Variants in NELL1 observed in about 807,000 individuals in gnomAD.
NELL1 encodes neural EGFL like 1.
Under a neutral mutation model 107.4 loss-of-function variants are expected in NELL1, and 76 were observed. That is an observed-to-expected ratio of 0.71 (90% CI 0.59 to 0.86). The LOEUF (loss-of-function observed/expected upper bound fraction) is 0.86. Ranked by LOEUF, NELL1 falls within the 40% of genes least tolerant of loss-of-function variation. NELL1 has a pLI of 0.00. For synonymous variants in NELL1, 353 were observed against 341.2 expected (o/e 1.03, Z -0.38); for missense variants, 1,024 against 1,005.5 (o/e 1.02, Z -0.25).
chr11:21,233,878 T>C (rs1010871793), intron 14 of NELL1, among the ~76,000 whole-genome samples: 5 of 152,236 alleles, frequency 3.3e-5, no homozygotes, highest in Middle Eastern at 3.2e-3. Flanking sequence ...CTTGTCTTAA[T>C]GACTGATAAT....
chr11:21,276,572 AAG>A (rs1351670499), intron 14 of NELL1, among the ~76,000 whole-genome samples: 1 of 152,172 alleles, frequency 6.6e-6, no homozygotes, highest in African/African-American at 2.4e-5. Flanking sequence ...GGAACCAAAA[AAG>A]AGCCTGCATT....
At chr11:21,377,167 T>C (rs1456783077) in intron 15 of NELL1, among the ~76,000 whole-genome samples, 12 of 152,086 alleles carry the variant, frequency 7.9e-5, no homozygotes, top group Admixed American at 7.9e-4. Context: ...TTCAGTATGA[T>C]GTTGGCTGTG....
intron 2 of NELL1, among the ~76,000 whole-genome samples, chr11:20,782,410 T>G (rs192995607): frequency 6.6e-6 from 1 of 152,252 alleles, no homozygotes; most frequent in East Asian, 1.9e-4. Context: ...GTGCTGTTCT[T>G]TTCTGTGTTA....
intron 16 of NELL1, among the ~76,000 whole-genome samples, chr11:21,548,350 C>T (rs1856493017): frequency 6.6e-6 from 1 of 151,906 alleles, no homozygotes; most frequent in South Asian, 2.1e-4. Context: ...TGTTTTCACA[C>T]TGCTGATAAA....
intron 2 of NELL1, among the ~76,000 whole-genome samples, chr11:20,695,266 C>T (rs908352298): frequency 6.6e-6 from 1 of 151,982 alleles, no homozygotes; most frequent in African/African-American, 2.4e-5. Flanking sequence ...TTTTCTTTTC[C>T]TATTTGGATG....
chr11:21,385,138 T>C (rs1851709896), intron 15 of NELL1, among the ~76,000 whole-genome samples: 2 of 151,860 alleles, frequency 1.3e-5, no homozygotes, highest in Admixed American at 6.6e-5. Context: ...TGCTGTGTTA[T>C]TGTTCTTCGG....
chr11:21,056,521 G>C (rs1011593226), intron 12 of NELL1, among the ~76,000 whole-genome samples: 14 of 152,004 alleles, frequency 9.2e-5, no homozygotes, highest in African/African-American at 3.4e-4. Context: ...AAATTTCAGG[G>C]AACATTTTAG....
chr11:21,290,897 A>G (rs372995570), intron 14 of NELL1, among the ~76,000 whole-genome samples: 4 of 152,348 alleles, frequency 2.6e-5, no homozygotes, highest in African/African-American at 2.4e-5. Flanking sequence ...AACCAGTGCA[A>G]AAAGGCTGAA....
intron 13 of NELL1, among the ~76,000 whole-genome samples, chr11:21,204,813 T>C (rs1857353225): frequency 6.6e-6 from 1 of 152,176 alleles, no homozygotes; most frequent in Non-Finnish European, 1.5e-5. Context: ...GACGTCATTT[T>C]TGTTGATTTG....
chr11:21,262,938 T>G lies in NELL1; in HGVS notation c.1549+33484T>G, dbSNP rs546738002. 2.0e-5 allele frequency among the ~76,000 whole-genome samples: 3 copies of G among 152,054 alleles called. No homozygotes were observed. The South Asian group carries it at 6.2e-4, about 31-fold the overall frequency. On this transcript the variant is annotated intron_variant, in intron 14 of 19. Transcript: ENST00000357134. ...GATTTTTCAATTTTTATACTTGTCT[T>G]CTTATTTTACATATATTTGTCATTT... is the stretch of plus-strand genomic sequence containing the variant.
chr11:21,309,287 TATA>T (rs1481266271), intron 14 of NELL1, among the ~76,000 whole-genome samples: 4 of 111,832 alleles, frequency 3.6e-5, no homozygotes, highest in African/African-American at 7.9e-5. Flanking sequence ...TATGTATATA[TATA>T]TATATATATG....
At chr11:20,887,503 C>T (rs571211602) in intron 5 of NELL1, among the ~76,000 whole-genome samples, 4 of 152,242 alleles carry the variant, frequency 2.6e-5, no homozygotes, top group Admixed American at 1.3e-4. Context: ...AAATTTCAAC[C>T]GTCTGTGTGG....
At chr11:21,494,764 T>C (rs542177073) in intron 15 of NELL1, among the ~76,000 whole-genome samples, 66 of 152,162 alleles carry the variant, frequency 4.3e-4, no homozygotes, top group African/African-American at 1.6e-3. Flanking sequence ...TTATACAGTA[T>C]TGTAAACAAA....
At chr11:21,438,498 A>G (rs1232105825) in intron 15 of NELL1, among the ~76,000 whole-genome samples, 2 of 152,078 alleles carry the variant, frequency 1.3e-5, no homozygotes, top group East Asian at 1.9e-4. Context: ...CTGAATGTCT[A>G]TATCTCTTAT....
intron 13 of NELL1, chr11:21,169,800 T>C: frequency 7.3e-7 from 1 of 1,369,440 alleles, no homozygotes; most frequent in Non-Finnish European, 1.0e-6. Context: ...ACCCGGAGAG[T>C]GGGACAGAAT....
intron 15 of NELL1, among the ~76,000 whole-genome samples, chr11:21,421,481 C>T (rs1852668120): frequency 6.6e-6 from 1 of 152,048 alleles, no homozygotes; most frequent in South Asian, 2.1e-4. Flanking sequence ...AGATCCTGTC[C>T]TCCAGATATC....
intron 15 of NELL1, among the ~76,000 whole-genome samples, chr11:21,391,067 T>C (rs1191694256): frequency 6.6e-6 from 1 of 151,858 alleles, no homozygotes; most frequent in Non-Finnish European, 1.5e-5. Context: ...AACTAAGTTG[T>C]TCAAATGTTG....
intron 4 of NELL1, among the ~76,000 whole-genome samples, chr11:20,856,182 A>G (rs1388767031): frequency 6.6e-6 from 1 of 152,166 alleles, no homozygotes; most frequent in African/African-American, 2.4e-5. Flanking sequence ...TCCTGCACAA[A>G]CCCCAAATCT....
intron 14 of NELL1, among the ~76,000 whole-genome samples, chr11:21,245,383 A>G (rs1361006169): frequency 6.6e-6 from 1 of 152,208 alleles, no homozygotes; most frequent in African/African-American, 2.4e-5. Context: ...GAATGAGATG[A>G]GAAATAAATA....
Sources: gnomAD v4.1 joint callset for allele counts (sites outside exome capture counted in the v4.1 genomes callset) on GRCh38, gnomAD v4.1.1 for gene constraint, MANE v1.5 for transcripts, NCBI Gene and HGNC (gene_info 2026-07-23, HGNC 2026-07-21) for gene names.